KIAA1217: variants seen among roughly 807,000 people sequenced by gnomAD.
KIAA1217 encodes KIAA1217.
In KIAA1217, 88 loss-of-function variants were observed where a neutral mutation model predicts 163.9. That is an observed-to-expected ratio of 0.54 (90% CI 0.45 to 0.64). The LOEUF is 0.64. Ranked by LOEUF, KIAA1217 falls within the 30% of genes least tolerant of loss-of-function variation. The pLI, the probability that KIAA1217 is intolerant of heterozygous loss-of-function variation, is 0.00. For synonymous variants in KIAA1217, 903 were observed against 923.1 expected, an observed-to-expected ratio of 0.98 and a Z score of 0.39; for missense variants, 2,372 against 2,475.0, an observed-to-expected ratio of 0.96 and a Z score of 0.88.
chr10:24,149,674 T>C (rs1318419666), intron 2 of KIAA1217, among the ~76,000 whole-genome samples: 1 of 152,068 alleles, frequency 6.6e-6, no homozygotes, highest in East Asian at 1.9e-4. Flanking sequence ...CTAGAAGGAA[T>C]AAGATCTAGT....
At chr10:23,844,848 T>C (rs1005672944) in intron 1 of KIAA1217, among the ~76,000 whole-genome samples, 3 of 152,114 alleles carry the variant, frequency 2.0e-5, no homozygotes, top group Admixed American at 1.3e-4. Flanking sequence ...CATCAACCCA[T>C]CATTTACATT....
chr10:23,810,241 C>A (rs1836934104), intron 1 of KIAA1217, among the ~76,000 whole-genome samples: 1 of 150,552 alleles, frequency 6.6e-6, no homozygotes, highest in South Asian at 2.1e-4. Flanking sequence ...TACCTACCTA[C>A]CTACCCTCTT....
intron 1 of KIAA1217, among the ~76,000 whole-genome samples, chr10:23,702,888 C>T (rs1024646240): frequency 2.6e-5 from 4 of 152,010 alleles, no homozygotes; most frequent in African/African-American, 7.3e-5. Flanking sequence ...CCACCTCGCC[C>T]GGTAATTTTT....
At chr10:23,992,036 G>A (rs1846239293) in intron 1 of KIAA1217, among the ~76,000 whole-genome samples, 1 of 152,070 alleles carries the variant, frequency 6.6e-6, no homozygotes, top group Non-Finnish European at 1.5e-5. Context: ...TTACCTGGTT[G>A]CCCCCCAAAA....
At chr10:23,697,461 TAGA>T (rs765560504) in intron 1 of KIAA1217, among the ~76,000 whole-genome samples, 5 of 152,244 alleles carry the variant, frequency 3.3e-5, no homozygotes, top group East Asian at 3.9e-4. Context: ...TGCAGTACGG[TAGA>T]AGGTGATAAA....
At chr10:24,192,659 C>T (rs1024594525) in intron 2 of KIAA1217, among the ~76,000 whole-genome samples, 3 of 152,240 alleles carry the variant, frequency 2.0e-5, no homozygotes, top group African/African-American at 7.2e-5. Flanking sequence ...TGAGGTCCCT[C>T]AGGGGCTTGG....
Position 23,722,478 on chromosome 10 carries a change from CACTT to C in KIAA1217, c.-321+27246_-321+27249del, listed in dbSNP as rs1321165580. Among the ~76,000 whole-genome samples, 5 of 152,198 alleles carry C rather than the reference CACTT, an allele frequency of 3.3e-5. No homozygotes were observed. In the East Asian group the frequency reaches 5.8e-4, roughly 18 times the overall value. On this transcript the variant is annotated intron_variant, in intron 1 of 18. Transcript: ENST00000376462. ...TCATCAGCTCTTTAATTAGGATAAA[CACTT>C]AGTGTCTTGTTAGAGAAAAAATCCT... is the stretch of plus-strand genomic sequence containing the variant.
chr10:24,051,380 T>C (rs1564639872), intron 2 of KIAA1217, among the ~76,000 whole-genome samples: 1 of 152,226 alleles, frequency 6.6e-6, no homozygotes, highest in Non-Finnish European at 1.5e-5. Flanking sequence ...TGTGCAAGTG[T>C]CTTTTTCATA....
chr10:24,386,636 C>T (rs2054045313), intron 3 of KIAA1217, among the ~76,000 whole-genome samples: 1 of 152,164 alleles, frequency 6.6e-6, no homozygotes, highest in African/African-American at 2.4e-5. Flanking sequence ...TACAGTGGCA[C>T]AAACATAGCT....
chr10:24,301,201 C>T (rs918133142), intron 2 of KIAA1217, among the ~76,000 whole-genome samples: 6 of 152,144 alleles, frequency 3.9e-5, no homozygotes, highest in African/African-American at 1.4e-4. Flanking sequence ...CCCCCCTGCT[C>T]TCACATTTCT....
intron 2 of KIAA1217, among the ~76,000 whole-genome samples, chr10:24,107,919 GA>G (rs948230470): frequency 2.0e-5 from 3 of 151,908 alleles, no homozygotes; most frequent in African/African-American, 4.8e-5. Flanking sequence ...AAGTGAAGCA[GA>G]AAAAAAATGA....
At chr10:24,128,241 G>C (rs2063535153) in intron 2 of KIAA1217, among the ~76,000 whole-genome samples, 1 of 152,164 alleles carries the variant, frequency 6.6e-6, no homozygotes, top group Non-Finnish European at 1.5e-5. Context: ...ACAGTTGTTA[G>C]TCTGGATCCT....
At chr10:24,095,247 C>A (rs2062109441) in intron 2 of KIAA1217, among the ~76,000 whole-genome samples, 1 of 152,208 alleles carries the variant, frequency 6.6e-6, no homozygotes, top group Non-Finnish European at 1.5e-5. Flanking sequence ...ACCCACTGTC[C>A]TGCGCCCACT....
intron 2 of KIAA1217, among the ~76,000 whole-genome samples, chr10:24,298,613 C>G (rs1170867600): frequency 6.6e-6 from 1 of 152,030 alleles, no homozygotes; most frequent in African/African-American, 2.4e-5. Flanking sequence ...GCCTGGTCAA[C>G]ATGGCAAAAC....
At chr10:23,701,078 G>C (rs764996026) in intron 1 of KIAA1217, among the ~76,000 whole-genome samples, 28 of 152,162 alleles carry the variant, frequency 1.8e-4, no homozygotes, top group Non-Finnish European at 3.1e-4. Flanking sequence ...CATGCACATT[G>C]AGTGTTTAGC....
intron 2 of KIAA1217, among the ~76,000 whole-genome samples, chr10:24,291,016 A>G (rs1232422789): frequency 6.6e-6 from 1 of 152,030 alleles, no homozygotes; most frequent in Non-Finnish European, 1.5e-5. Context: ...TCCATCATCT[A>G]TATTTGAGTT....
chr10:24,538,983 C>T (rs1328225290), intron 17 of KIAA1217, among the ~76,000 whole-genome samples: 1 of 152,038 alleles, frequency 6.6e-6, no homozygotes, highest in Non-Finnish European at 1.5e-5. Flanking sequence ...CCACCCGCCT[C>T]AGCCTCTCAA....
chr10:24,311,642 G>A (rs1255456977), intron 2 of KIAA1217, among the ~76,000 whole-genome samples: 2 of 152,150 alleles, frequency 1.3e-5, no homozygotes, highest in Non-Finnish European at 2.9e-5. Flanking sequence ...CCAACCCTGA[G>A]GACTGCTCCC....
At chr10:24,364,740 T>C (rs2050528384) in intron 2 of KIAA1217, among the ~76,000 whole-genome samples, 1 of 152,094 alleles carries the variant, frequency 6.6e-6, no homozygotes, top group South Asian at 2.1e-4. Flanking sequence ...TGTGTGTTTC[T>C]CTTGCCTGCC....
Sources: allele counts gnomAD v4.1 joint callset (sites outside exome capture counted in the v4.1 genomes callset), GRCh38; gene constraint gnomAD v4.1.1; transcripts MANE v1.5; gene names NCBI Gene and HGNC (gene_info 2026-07-23, HGNC 2026-07-21).